RBM45: variants seen among roughly 807,000 people sequenced by gnomAD.
RBM45 encodes the protein RNA binding motif protein 45.
A neutral mutation model predicts 58.5 loss-of-function variants in RBM45; 39 were observed. That is an observed-to-expected ratio of 0.67 (90% CI 0.52 to 0.87). The LOEUF (loss-of-function observed/expected upper bound fraction) is 0.87, where lower values mean the gene tolerates loss of function less well. RBM45 is among the 40% of genes least tolerant of loss of function. The probability of loss-of-function intolerance (pLI) is 0.00; values close to 1 mark genes in which losing one functional copy is unlikely to be tolerated. For missense variants in RBM45, 481 were observed against 581.6 expected, an observed-to-expected ratio of 0.83 and a Z score of 1.78; for synonymous variants, 193 against 203.0, an observed-to-expected ratio of 0.95 and a Z score of 0.42.
chr2:178,118,300 GGTATTTAAATATTT>G, intron 3 of RBM45, 119 bp downstream of exon 3: 1 of 971,372 alleles, frequency 1.0e-6, no homozygotes, highest in South Asian at 2.4e-5. Context: ...TTTAGCAGTG[GGTATTTAAATATTT>G]ACAGTCCAAG....
chr2:178,126,798 T>C (rs972659026), intron 9 of RBM45, among the ~76,000 whole-genome samples: 1 of 152,234 alleles, frequency 6.6e-6, no homozygotes, highest in South Asian at 2.1e-4. Flanking sequence ...CCAAAAACTC[T>C]TTATTGTAAA....
intron 5 of RBM45, among the ~76,000 whole-genome samples, 190 bp from the exon 6 acceptor site, chr2:178,123,332 T>C (rs997600057): frequency 2.0e-5 from 3 of 152,236 alleles, no homozygotes; most frequent in Admixed American, 1.3e-4. Context: ...AAATTATTTC[T>C]TCCTTTTCTA....
downstream of RBM45, among the ~76,000 whole-genome samples, chr2:178,129,943 A>G (rs1223009979): frequency 6.6e-6 from 1 of 152,220 alleles, no homozygotes; most frequent in African/African-American, 2.4e-5. Context: ...AACTGTTTAC[A>G]CTTAATCTAA....
chr2:178,138,009 A>G (rs987214681), exon 4 of RBM45: 1 of 152,184 alleles, frequency 6.6e-6, no homozygotes, highest in Non-Finnish European at 1.5e-5. Flanking sequence ...GGGCAGGAAA[A>G]TAAGAGTGAG....
At chr2:178,132,000 A>C (rs1480970431), downstream of RBM45, among the ~76,000 whole-genome samples, 5 of 152,248 alleles carry the variant, frequency 3.3e-5, no homozygotes, top group African/African-American at 1.2e-4. Context: ...TTGGATGCCC[A>C]GCAAATGTTA....
chr2:178,124,301 T>C lies in RBM45; in HGVS notation c.1232+11T>C. ...AGAAGATATATTCTGGTAAGAAAGTTACATTTTTTGTTATATTTTATTTAC... is the reference window on the plus strand; with the variant it reads ...AGAAGATATATTCTGGTAAGAAAGTCACATTTTTTGTTATATTTTATTTAC... On this transcript the variant is annotated intron_variant, in intron 8 of 9. Coordinates refer to ENST00000286070, the MANE Select transcript of RBM45 (RefSeq NM_152945.4). 6.7e-7 allele frequency: 1 copy of C among 1,486,530 alleles called. No individual in the cohort carries two copies. The highest frequency in any genetic ancestry group is 9.1e-7 in the Non-Finnish European group (1 of 1,096,800). The allele number at this position is 1,486,530 out of a possible 1,614,324, so 92.1% of individuals were successfully genotyped here. A position where few individuals can be genotyped will look rare whatever the true frequency, so the allele number is the denominator to read the frequency against.
At position 178,126,138 on chromosome 2, in the gene RBM45, C is replaced by T; in HGVS notation, c.1387C>T (p.Pro463Ser). ...VRLKVMLADS[P>S]REESNKRQRT... Reference sequence around the variant, plus strand: ...ACTTAAAGTTATGCTGGCAGATTCGCCAAGAGAAGAATCTAACAAACGGCA... The same window carrying T: ...ACTTAAAGTTATGCTGGCAGATTCGTCAAGAGAAGAATCTAACAAACGGCA... Residue 463 changes from proline (P) to serine (S), a missense_variant, in exon 9 of 10, where the codon CCA becomes TCA. Pro to Ser is a moderately conservative substitution (Grantham distance 74). Transcript: ENST00000286070. 1 of 1,613,848 alleles carries T rather than the reference C, an allele frequency of 6.2e-7. No homozygotes were observed. Among genetic ancestry groups the T allele is most frequent in the Non-Finnish European group, 8.5e-7 (1 of 1,179,898 alleles).
intron 3 of RBM45, among the ~76,000 whole-genome samples, chr2:178,120,012 G>A (rs1427049787): frequency 1.3e-5 from 2 of 152,166 alleles, no homozygotes; most frequent in African/African-American, 2.4e-5. Flanking sequence ...AATGAATGAC[G>A]ATGTTATCTG....
downstream of RBM45, chr2:178,129,703 C>T (rs1184409727): frequency 2.0e-5 from 3 of 152,612 alleles, no homozygotes; most frequent in South Asian, 6.2e-4. Flanking sequence ...ATTTAATAGA[C>T]AGTCTTTAGA....
intron 8 of RBM45, 86 bp from the exon 9 acceptor site, chr2:178,125,898 A>G (rs2087922595): frequency 1.0e-6 from 1 of 986,900 alleles, no homozygotes; most frequent in Non-Finnish European, 1.6e-6. Flanking sequence ...AAGGGTGAAA[A>G]TGGAGTCAAG....
At chr2:178,138,379 T>TACAAC (rs1402919499) in exon 4 of RBM45, 5 of 152,152 alleles carry the variant, frequency 3.3e-5, no homozygotes, top group African/African-American at 7.2e-5. Flanking sequence ...TTACAGAGAT[T>TACAAC]TATCCTTTGA....
In RBM45 at chr2:178,121,194, T is replaced by A; in HGVS notation, c.688T>A (p.Phe230Ile). 1 of 1,546,046 alleles carries A rather than the reference T, an allele frequency of 6.5e-7. No homozygotes were observed. Among genetic ancestry groups the A allele is most frequent in the Non-Finnish European group, 8.8e-7 (1 of 1,137,842 alleles). ...TATTGTCGGAGAACAACAATCTGAA[T>A]TTTCAAGTTTTGACAAGAATGATAG... is the stretch of plus-strand genomic sequence containing the variant. The part of the protein sequence containing the change: ...NMFPFEQQSE[F>I]SSFDKNDSRG... The change falls in exon 5 of 10, where the codon TTT becomes ATT. Residue 230 changes from phenylalanine to isoleucine, a missense_variant. Physicochemically the swap from Phe to Ile is conservative, Grantham distance 21. Coordinates refer to ENST00000286070, the MANE Select transcript of RBM45 (RefSeq NM_152945.4).
intron 2 of RBM45, among the ~76,000 whole-genome samples, chr2:178,116,776 C>T (rs2087782582): frequency 6.6e-6 from 1 of 151,882 alleles, no homozygotes; most frequent in Non-Finnish European, 1.5e-5. Context: ...ACGCTTTTAT[C>T]ACTCCCCTCT....
At position 178,120,350 on chromosome 2, in the gene RBM45, A is replaced by G; in HGVS notation, c.614A>G (p.Tyr205Cys). 2.5e-6 allele frequency: 4 copies of G among 1,613,388 alleles called. No homozygotes were observed. The highest frequency in any genetic ancestry group is 3.4e-6 in the Non-Finnish European group (4 of 1,179,576). Residue 205 changes from tyrosine (Y) to cysteine (C), a missense_variant, in exon 4 of 10, where the codon TAT (tyrosine) becomes TGT (cysteine). Physicochemically the swap from Tyr to Cys is radical, Grantham distance 194. Transcript: ENST00000286070. ...KASESSEQDY[Y>C]SNMRQEALGH... ...TCTGAATCCTCTGAACAAGATTATT[A>G]TAGTAATATGAGGCAAGAAGCTTTG...
intron 5 of RBM45, among the ~76,000 whole-genome samples, chr2:178,122,121 A>C (rs1285673728): frequency 6.6e-6 from 1 of 152,138 alleles, no homozygotes; most frequent in Non-Finnish European, 1.5e-5. Context: ...TCGTATGTAA[A>C]ATGGGATCAT....
intron 8 of RBM45, among the ~76,000 whole-genome samples, 186 bp downstream of exon 8, chr2:178,124,476 A>G (rs1299072817): frequency 6.6e-6 from 1 of 152,136 alleles, no homozygotes; most frequent in Non-Finnish European, 1.5e-5. Context: ...TATCAGTCAC[A>G]CATCCTAAGG....
Position 178,121,186 on chromosome 2 carries a change from A to C in RBM45, c.680A>C (p.Gln227Pro). The change falls in exon 5 of 10, where the codon CAA becomes CCA. Residue 227 changes from glutamine (Q) to proline (P), a missense_variant. By Grantham distance (76) the Gln-to-Pro change is moderately conservative. Coordinates refer to ENST00000286070, the MANE Select transcript of RBM45 (RefSeq NM_152945.4). ...TTTTTTTATATTGTCGGAGAACAAC[A>C]ATCTGAATTTTCAAGTTTTGACAAG... Reference protein sequence around the residue: ...PRVNMFPFEQQSEFSSFDKND... With the variant: ...PRVNMFPFEQPSEFSSFDKND... 1 of 1,515,736 alleles carries C rather than the reference A, an allele frequency of 6.6e-7. No homozygotes were observed. The highest frequency in any genetic ancestry group is 1.2e-5 in the South Asian group (1 of 82,902). The allele number at this position is 1,515,736 out of a possible 1,614,324, so 93.9% of individuals were successfully genotyped here. A position where few individuals can be genotyped will look rare whatever the true frequency, so the allele number is the denominator to read the frequency against.
Position 178,120,386 on chromosome 2 carries a change from C to G in RBM45, c.650C>G (p.Pro217Arg). 6.2e-7 allele frequency: 1 copy of G among 1,612,378 alleles called. No homozygotes were observed. Among genetic ancestry groups the G allele is most frequent in the South Asian group, 1.1e-5 (1 of 90,744 alleles). Reference sequence around the variant, plus strand: ...AGGCAAGAAGCTTTGGGACATGAACCTAGAGTAAATATGTTTCCATTTGGT... The same window carrying G: ...AGGCAAGAAGCTTTGGGACATGAACGTAGAGTAAATATGTTTCCATTTGGT... ...NMRQEALGHE[P>R]RVNMFPFEQQ... is the part of the protein sequence containing the mutation. The change falls in exon 4 of 10, where the codon CCT (proline) becomes CGT (arginine). Residue 217 changes from proline to arginine, a missense_variant. Coordinates refer to ENST00000286070, the MANE Select transcript of RBM45 (RefSeq NM_152945.4).
chr2:178,127,657 T>C (rs563342637), intron 9 of RBM45, among the ~76,000 whole-genome samples: 3 of 152,346 alleles, frequency 2.0e-5, no homozygotes, highest in African/African-American at 7.2e-5. Flanking sequence ...ATATATTAAA[T>C]TGGGAGTGGA....
Sources: allele counts gnomAD v4.1 joint callset (sites outside exome capture counted in the v4.1 genomes callset), GRCh38; gene constraint gnomAD v4.1.1; transcripts MANE v1.5; gene names NCBI Gene and HGNC (gene_info 2026-07-23, HGNC 2026-07-21).